VCF1: variants seen among roughly 807,000 people sequenced by gnomAD.
The protein encoded by VCF1 is VCP nuclear cofactor family member 1, also known as protein VCF1.
At chr17:73,208,558 T>G in the VCF1 span, 3 of 1,343,300 alleles carry the variant, frequency 2.2e-6, no homozygotes, top group Non-Finnish European at 3.2e-6. Flanking sequence ...CCAGTTTCAC[T>G]GATGGAATGT....
the VCF1 span, chr17:73,207,902 T>G: frequency 8.4e-7 from 1 of 1,183,522 alleles, no homozygotes; most frequent in Non-Finnish European, 1.1e-6. Flanking sequence ...CCTTGTCAAG[T>G]ATCTGGCTTT....
At chr17:73,217,173 T>C in the VCF1 span, among the ~76,000 whole-genome samples, 2 of 151,276 alleles carry the variant, frequency 1.3e-5, no homozygotes, top group South Asian at 4.2e-4. Flanking sequence ...CTACTAAAAA[T>C]ACAAAAAACC....
At chr17:73,227,085 G>T in the VCF1 span, 1 of 1,057,040 alleles carries the variant, frequency 9.5e-7, no homozygotes, top group Non-Finnish European at 1.4e-6. Context: ...TACTGTTTAA[G>T]TAAATTTAAT....
chr17:73,209,856 G>A, the VCF1 span: 36 of 1,502,388 alleles, frequency 2.4e-5, no homozygotes, highest in Non-Finnish European at 3.1e-5. Flanking sequence ...GCTCTATTAA[G>A]AGTACCTTTC....
chr17:73,224,915 G>GACAGGACAGCACAGC, the VCF1 span, among the ~76,000 whole-genome samples: 7 of 112,996 alleles, frequency 6.2e-5, no homozygotes, highest in Admixed American at 8.7e-5. Context: ...GACAGGACAG[G>GACAGGACAGCACAGC]ACAGGACAGG....
At chr17:73,232,180 G>A in the VCF1 span, 2 of 1,609,088 alleles carry the variant, frequency 1.2e-6, no homozygotes, top group South Asian at 2.2e-5. Flanking sequence ...GTGTTTCGGC[G>A]GCCGCCACGC....
At chr17:73,230,677 G>T in the VCF1 span, among the ~76,000 whole-genome samples, 1 of 152,144 alleles carries the variant, frequency 6.6e-6, no homozygotes, top group Non-Finnish European at 1.5e-5. Context: ...GATTACAGGC[G>T]TGAGCCACCG....
chr17:73,229,031 T>C, the VCF1 span, among the ~76,000 whole-genome samples: 6 of 152,170 alleles, frequency 3.9e-5, no homozygotes, highest in Non-Finnish European at 8.8e-5. Context: ...GACAAGACTA[T>C]GAATGTCAAG....
At chr17:73,218,541 G>A in the VCF1 span, among the ~76,000 whole-genome samples, 1 of 152,204 alleles carries the variant, frequency 6.6e-6, no homozygotes, top group Non-Finnish European at 1.5e-5. Context: ...AAAAAGATGT[G>A]TATGTGTATA....
chr17:73,224,380 G>A, the VCF1 span, among the ~76,000 whole-genome samples: 1 of 151,916 alleles, frequency 6.6e-6, no homozygotes, highest in Admixed American at 6.6e-5. Flanking sequence ...GGGAGGTAGA[G>A]GTTGCAGTGA....
At chr17:73,231,157 C>T in the VCF1 span, among the ~76,000 whole-genome samples, 36 of 152,194 alleles carry the variant, frequency 2.4e-4, no homozygotes, top group East Asian at 6.2e-3. Context: ...GCTTGGGGAA[C>T]CCTAGGTTTT....
the VCF1 span, chr17:73,209,527 C>T: frequency 1.0e-5 from 16 of 1,579,478 alleles, no homozygotes; most frequent in Non-Finnish European, 1.4e-5. Flanking sequence ...ACTGCCGGCA[C>T]ATCATGTCAG....
the VCF1 span, chr17:73,207,934 T>A: frequency 1.9e-6 from 2 of 1,071,882 alleles, no homozygotes; most frequent in Admixed American, 4.3e-5. Context: ...GATGGTAGTT[T>A]AAAAAAAAAA....
At chr17:73,225,536 A>G in the VCF1 span, among the ~76,000 whole-genome samples, 1 of 151,978 alleles carries the variant, frequency 6.6e-6, no homozygotes, top group Non-Finnish European at 1.5e-5. Context: ...CAGATACGGG[A>G]AAAAAACGTT....
At chr17:73,207,460 A>G in the VCF1 span, 3 of 686,494 alleles carry the variant, frequency 4.4e-6, no homozygotes, top group Middle Eastern at 2.8e-4. Context: ...CGCTGACACT[A>G]CCAAGTAGCC....
the VCF1 span, chr17:73,208,392 G>C: frequency 6.2e-7 from 1 of 1,614,124 alleles, no homozygotes; most frequent in Non-Finnish European, 8.5e-7. Context: ...CAGTGAAGAA[G>C]ACAACACGTC....
At chr17:73,232,377 C>A in the VCF1 span, 1 of 1,436,684 alleles carries the variant, frequency 7.0e-7, no homozygotes, top group Non-Finnish European at 9.1e-7. Flanking sequence ...CGACTGGTAA[C>A]CCCGCCCACG....
the VCF1 span, among the ~76,000 whole-genome samples, chr17:73,225,867 A>AATATATATATATAATATATATATATAT: frequency 1.8e-5 from 2 of 110,708 alleles, no homozygotes; most frequent in African/African-American, 7.4e-5. Flanking sequence ...ATAGGAAAAA[A>AATATATATATATAATATATATATATAT]ATATATATAT....
chr17:73,218,802 G>A, the VCF1 span, among the ~76,000 whole-genome samples: 2 of 152,106 alleles, frequency 1.3e-5, no homozygotes, highest in East Asian at 1.9e-4. Context: ...GGCGGATCAC[G>A]AGGTCAGGAG....
Sources: allele counts gnomAD v4.1 joint callset (sites outside exome capture counted in the v4.1 genomes callset), GRCh38; gene constraint gnomAD v4.1.1; transcripts MANE v1.5; gene names NCBI Gene and HGNC (gene_info 2026-07-23, HGNC 2026-07-21).